GLI3: variants seen among roughly 807,000 people sequenced by gnomAD.
GLI3 encodes the protein GLI family zinc finger 3, also known as transcription activator GLI3.
GLI3 carries 20 observed loss-of-function variants against 100.8 expected under a neutral mutation model. The ratio of observed to expected loss-of-function variants is 0.20; its 90% CI spans 0.14 to 0.29. The LOEUF (loss-of-function observed/expected upper bound fraction) is 0.29. Ranked by LOEUF, GLI3 falls within the 10% of genes least tolerant of loss-of-function variation. The pLI is 1.00. For missense variants in GLI3, 2,040 were observed against 2,128.5 expected (o/e 0.96, Z 0.82); for synonymous variants, 938 against 860.5 (o/e 1.09, Z -1.58).
intron 2 of GLI3, among the ~76,000 whole-genome samples, chr7:42,194,885 G>A (rs1444855856): frequency 6.7e-6 from 1 of 150,304 alleles, no homozygotes; most frequent in African/African-American, 2.5e-5. Flanking sequence ...TCCTGCCTCA[G>A]CCTCCCGAGT....
intron 10 of GLI3, among the ~76,000 whole-genome samples, chr7:41,982,697 CAAA>C (rs200821387): frequency 2.6e-4 from 30 of 114,736 alleles, no homozygotes; most frequent in Admixed American, 2.6e-4. Flanking sequence ...GAACTTGTCT[CAAA>C]AAAAAAAAAA....
intron 2 of GLI3, among the ~76,000 whole-genome samples, chr7:42,209,120 T>C (rs900387539): frequency 2.0e-5 from 3 of 152,130 alleles, no homozygotes; most frequent in East Asian, 3.9e-4. Flanking sequence ...AATGGCATGA[T>C]CATAGCTCAC....
chr7:42,025,956 A>G (rs937882956), intron 8 of GLI3, among the ~76,000 whole-genome samples: 2 of 152,260 alleles, frequency 1.3e-5, no homozygotes, highest in African/African-American at 4.8e-5. Context: ...GTGAAGCCTT[A>G]TCAAGCAGCC....
At position 42,048,613 on chromosome 7, in the gene GLI3, G is replaced by T. The variant is rs1476520885; in HGVS notation, c.557C>A (p.Ser186Tyr). ...ATGTGGAGGGCTGAAGGGAGACTCG[G>T]AAGCAGCAGTGGGGTTCCGGTGTGG... The part of the protein sequence containing the change: ...ISPHRNPTAA[S>Y]ESPFSPPHPY... Residue 186 changes from serine to tyrosine, a missense_variant, in exon 5 of 15, where the codon TCC becomes TAC. Transcript: ENST00000395925. 1.2e-6 allele frequency: 2 copies of T among 1,611,560 alleles called. No individual in the cohort carries two copies. The highest frequency in any genetic ancestry group is 8.5e-7 in the Non-Finnish European group (1 of 1,179,252).
rs1713301877 is a variant in GLI3, at chr7:42,023,529, T to G, written c.1436A>C (p.Glu479Ala). 2 of 1,613,826 alleles carry G rather than the reference T, an allele frequency of 1.2e-6. No homozygotes were observed. Among genetic ancestry groups the G allele is most frequent in the Admixed American group, 3.3e-5 (2 of 59,992 alleles). ...GCAGCCTTCCCAGTGGCAGTTTGTC[T>G]CATAGATGACTTCAGGCTCCTGTTT... ...ESKQEPEVIY[E>A]TNCHWEGCAR... The change falls in exon 10 of 15, where the codon GAG becomes GCG. Residue 479 changes from glutamate (E) to alanine (A), a missense_variant. By Grantham distance (107) the Glu-to-Ala change is moderately radical. Around this residue, in one of 5 missense-constraint regions of GLI3, gnomAD observed 603 missense variants for 690.9 expected, o/e 0.87. Transcript: ENST00000395925.
chr7:42,151,943 T>C (rs1786877254), intron 2 of GLI3: 1 of 151,266 alleles, frequency 6.6e-6, no homozygotes, highest in Admixed American at 6.6e-5. Context: ...GCTTAGGACG[T>C]TTGCAATAAA....
At chr7:42,074,930 A>C (rs369171214) in intron 4 of GLI3, among the ~76,000 whole-genome samples, 3 of 152,196 alleles carry the variant, frequency 2.0e-5, no homozygotes, top group East Asian at 1.9e-4. Context: ...AGGAAGAACT[A>C]AAATCCAAAG....
intron 4 of GLI3, among the ~76,000 whole-genome samples, chr7:42,068,718 T>C (rs1054273674): frequency 6.6e-6 from 1 of 152,194 alleles, no homozygotes; most frequent in Non-Finnish European, 1.5e-5. Context: ...TGAACTCAGC[T>C]TGCAGTGTGG....
intron 10 of GLI3, among the ~76,000 whole-genome samples, chr7:41,994,757 C>T (rs1047911885): frequency 6.6e-6 from 1 of 152,158 alleles, no homozygotes; most frequent in East Asian, 1.9e-4. Flanking sequence ...TAATTTGGTA[C>T]TTTTATTCCA....
At position 42,024,433 on chromosome 7, in the gene GLI3, C is replaced by T. The variant is rs561122301; in HGVS notation, c.1357-825G>A. Among the ~76,000 whole-genome samples the T allele has an allele frequency of 5.4e-3, 29 of 5,404 alleles. 1 individual carries two copies. The South Asian group carries it at 0.059, about 11-fold the overall frequency. The allele number at this position is 5,404 out of a possible 152,430, so 3.5% of individuals were successfully genotyped here. ...AAGAGGAAAGATCCATTTCAGAGCCCGTGACACAATTTACTCCAGCCTCCA... is the reference window on the plus strand; with the variant it reads ...AAGAGGAAAGATCCATTTCAGAGCCTGTGACACAATTTACTCCAGCCTCCA... On this transcript the variant is annotated intron_variant, in intron 9 of 14. Transcript: ENST00000395925.
chr7:42,017,244 G>A (rs950835678), intron 10 of GLI3, among the ~76,000 whole-genome samples: 6 of 152,292 alleles, frequency 3.9e-5, no homozygotes, highest in African/African-American at 7.2e-5. Context: ...GAATATTCCA[G>A]GGCACTAACT....
At chr7:42,095,095 C>T (rs1441822383) in intron 3 of GLI3, among the ~76,000 whole-genome samples, 7 of 152,196 alleles carry the variant, frequency 4.6e-5, no homozygotes, top group Non-Finnish European at 8.8e-5. Flanking sequence ...CAAGGGCGTG[C>T]TTGGTGACTC....
At chr7:42,212,262 C>T (rs540982070) in intron 2 of GLI3, among the ~76,000 whole-genome samples, 1 of 152,198 alleles carries the variant, frequency 6.6e-6, no homozygotes, top group South Asian at 2.1e-4. Context: ...TTAGGTAGTT[C>T]CACAAAAATA....
At chr7:42,030,757 CT>C (rs1194784770) in intron 7 of GLI3, among the ~76,000 whole-genome samples, 1 of 134,144 alleles carries the variant, frequency 7.5e-6, no homozygotes, top group Non-Finnish European at 1.5e-5. Context: ...CTCGTTCTGT[CT>C]CCCAGGCTGG....
intron 3 of GLI3, among the ~76,000 whole-genome samples, chr7:42,132,446 A>C (rs1182644141): frequency 2.0e-5 from 3 of 152,208 alleles, no homozygotes; most frequent in Non-Finnish European, 4.4e-5. Context: ...TGTACATGAT[A>C]ATTGTCATCA....
intron 3 of GLI3, among the ~76,000 whole-genome samples, chr7:42,089,909 A>T (rs1195680611): frequency 6.6e-6 from 1 of 152,102 alleles, no homozygotes; most frequent in Non-Finnish European, 1.5e-5. Context: ...TCTTTAGATG[A>T]TTGTGTCATT....
At chr7:42,160,028 T>G (rs1787095931) in intron 2 of GLI3, among the ~76,000 whole-genome samples, 1 of 152,216 alleles carries the variant, frequency 6.6e-6, no homozygotes, top group Middle Eastern at 3.2e-3. Flanking sequence ...ACTTAATCGG[T>G]ATGTGACCCA....
chr7:42,008,961 C>A (rs1788533890), intron 10 of GLI3, among the ~76,000 whole-genome samples: 1 of 152,200 alleles, frequency 6.6e-6, no homozygotes, highest in Non-Finnish European at 1.5e-5. Context: ...TCCTCACAAA[C>A]AACTCTGATG....
At chr7:42,048,370 G>A in intron 5 of GLI3, 121 bp downstream of exon 5, 1 of 776,496 alleles carries the variant, frequency 1.3e-6, no homozygotes. Context: ...AAGGCACAGA[G>A]CACAGCGCCT....
Sources: allele counts gnomAD v4.1 joint callset (sites outside exome capture counted in the v4.1 genomes callset), GRCh38; gene constraint gnomAD v4.1.1; regional missense constraint gnomAD v4.1.1; transcripts MANE v1.5; gene names NCBI Gene and HGNC (gene_info 2026-07-23, HGNC 2026-07-21).